Variants in GLI3 observed in about 807,000 individuals in gnomAD.
The protein encoded by GLI3 is transcription activator GLI3.
GLI3 carries 20 observed loss-of-function variants against 100.8 expected under a neutral mutation model. The ratio of observed to expected loss-of-function variants is 0.20; its 90% CI spans 0.14 to 0.29. GLI3 has a LOEUF of 0.29. Among genes scored for constraint, GLI3 ranks in the 10% least tolerant of loss-of-function variants. The probability of loss-of-function intolerance (pLI) is 1.00; values close to 1 mark genes in which losing one functional copy is unlikely to be tolerated. For missense variants in GLI3, 2,040 were observed against 2,128.5 expected, an observed-to-expected ratio of 0.96 and a Z score of 0.82; for synonymous variants, 938 against 860.5, an observed-to-expected ratio of 1.09 and a Z score of -1.58.
chr7:42,033,538 C>T (rs534984982), intron 7 of GLI3, among the ~76,000 whole-genome samples: 1 of 152,278 alleles, frequency 6.6e-6, no homozygotes, highest in Admixed American at 6.5e-5. Context: ...CAACAGGAAC[C>T]ACTGAGATGA....
intron 9 of GLI3, 37 bp from the exon 10 acceptor site, chr7:42,023,645 G>T: frequency 1.3e-6 from 2 of 1,593,386 alleles, no homozygotes; most frequent in Non-Finnish European, 1.7e-6. Flanking sequence ...AACAGAGAAG[G>T]GGGAAGAATC....
intron 3 of GLI3, among the ~76,000 whole-genome samples, chr7:42,133,791 G>A (rs569014018): frequency 1.3e-5 from 2 of 152,084 alleles, no homozygotes; most frequent in South Asian, 4.2e-4. Context: ...AAAAAATTAA[G>A]AACATCCTAG....
chr7:42,055,534 G>T (rs1784442777), intron 4 of GLI3, among the ~76,000 whole-genome samples: 1 of 152,084 alleles, frequency 6.6e-6, no homozygotes, highest in Non-Finnish European at 1.5e-5. Flanking sequence ...ACTGTTCCTG[G>T]TGGGCGAGCC....
At chr7:41,989,925 T>A (rs1274937840) in intron 10 of GLI3, among the ~76,000 whole-genome samples, 1 of 141,828 alleles carries the variant, frequency 7.1e-6, no homozygotes, top group African/African-American at 2.7e-5. Context: ...CCTGAGAGGC[T>A]GTAGTGAGCT....
intron 9 of GLI3, among the ~76,000 whole-genome samples, chr7:42,024,604 G>A (rs892102701): frequency 5.3e-5 from 8 of 152,146 alleles, no homozygotes; most frequent in African/African-American, 1.4e-4. Flanking sequence ...GCTCCTTCCT[G>A]CATCAGGCTG....
At chr7:42,210,348 C>T (rs1047185541) in intron 2 of GLI3, among the ~76,000 whole-genome samples, 4 of 136,476 alleles carry the variant, frequency 2.9e-5, no homozygotes, top group Admixed American at 7.2e-5. Context: ...GCCCCCCCCC[C>T]CCCCCCAAGT....
chr7:42,162,060 C>G (rs573113831), intron 2 of GLI3, among the ~76,000 whole-genome samples: 1 of 152,288 alleles, frequency 6.6e-6, no homozygotes, highest in East Asian at 1.9e-4. Context: ...CCTCAAGGCC[C>G]ACATTACTGA....
intron 13 of GLI3, among the ~76,000 whole-genome samples, chr7:41,968,748 G>GAAGGAAAGA (rs1562662007): frequency 3.3e-5 from 4 of 122,234 alleles, no homozygotes; most frequent in African/African-American, 1.5e-4. Flanking sequence ...AAGAAAGAAA[G>GAAGGAAAGA]AAAGAAAGAA....
At chr7:42,036,490 T>C (rs1789441920) in intron 7 of GLI3, among the ~76,000 whole-genome samples, 1 of 152,160 alleles carries the variant, frequency 6.6e-6, no homozygotes, top group African/African-American at 2.4e-5. Flanking sequence ...GAGAAATGGA[T>C]AGCAGACTAC....
At chr7:42,127,710 T>C (rs1339089741) in intron 3 of GLI3, among the ~76,000 whole-genome samples, 3 of 152,140 alleles carry the variant, frequency 2.0e-5, no homozygotes, top group African/African-American at 7.2e-5. Flanking sequence ...ATGAACCATG[T>C]TAAGAAACAA....
At chr7:42,055,105 GTA>G (rs1462039964) in intron 4 of GLI3, among the ~76,000 whole-genome samples, 6 of 138,622 alleles carry the variant, frequency 4.3e-5, no homozygotes, top group Admixed American at 1.4e-4. Flanking sequence ...ACACATATAT[GTA>G]TATATACACA....
At chr7:41,983,193 A>T (rs1236083791) in intron 10 of GLI3, among the ~76,000 whole-genome samples, 1 of 152,226 alleles carries the variant, frequency 6.6e-6, no homozygotes, top group African/African-American at 2.4e-5. Context: ...TCCTTCTCGT[A>T]CTAACATCTG....
At chr7:42,029,120 T>C (rs1789210082) in intron 7 of GLI3, among the ~76,000 whole-genome samples, 2 of 152,154 alleles carry the variant, frequency 1.3e-5, no homozygotes. Context: ...AGAAACATTC[T>C]CCTCCTCCTC....
intron 2 of GLI3, chr7:42,172,506 C>T: frequency 1.4e-6 from 1 of 695,060 alleles, no homozygotes; most frequent in Non-Finnish European, 2.6e-6. Context: ...AGTGGTCTTG[C>T]AATCATCCCG....
At chr7:42,228,929 G>T (rs1047538646) in intron 1 of GLI3, among the ~76,000 whole-genome samples, 1 of 152,134 alleles carries the variant, frequency 6.6e-6, no homozygotes, top group African/African-American at 2.4e-5. Flanking sequence ...TAGAAAATAT[G>T]AAAAGTCACA....
At position 41,962,941 on chromosome 7, in the gene GLI3, A is replaced by G. The variant is rs1787046777; in HGVS notation, c.*1389T>C. On this transcript the variant is annotated 3_prime_UTR_variant, in exon 15 of 15. Coordinates refer to ENST00000395925, the MANE Select transcript of GLI3 (RefSeq NM_000168.6). Reference sequence around the variant, plus strand: ...GTACTCTTTGTGCACACACAGTATGACTTTTATGTGTATCAAATGCACGTG... The same window carrying G: ...GTACTCTTTGTGCACACACAGTATGGCTTTTATGTGTATCAAATGCACGTG... The G allele has an allele frequency of 6.6e-6, 1 of 152,192 alleles. No homozygotes were observed. Among genetic ancestry groups the G allele is most frequent in the Non-Finnish European group, 1.5e-5 (1 of 68,034 alleles). 9.4% of individuals were successfully genotyped at this position (152,192 alleles called of 1,614,324 possible). A position where few individuals can be genotyped will look rare whatever the true frequency, so the allele number is the denominator to read the frequency against.
rs1329878066 is a variant in GLI3 at position 41,963,785 on chromosome 7, T to C, written c.*545A>G. 6.3e-6 allele frequency: 1 copy of C among 158,016 alleles called. No homozygotes were observed. Among genetic ancestry groups the C allele is most frequent in the African/African-American group, 2.4e-5 (1 of 41,460 alleles). The allele number at this position is 158,016 out of a possible 1,614,324, so 9.8% of individuals were successfully genotyped here. A position where few individuals can be genotyped will look rare whatever the true frequency, so the allele number is the denominator to read the frequency against. ...CTATGCTACAGTGCACCCACAAAAG[T>C]TTCTTAAACTAGCTATCCATATTCT... On this transcript the variant is annotated 3_prime_UTR_variant, in exon 15 of 15. Coordinates refer to ENST00000395925, the MANE Select transcript of GLI3 (RefSeq NM_000168.6).
intron 1 of GLI3, among the ~76,000 whole-genome samples, chr7:42,252,282 GC>G (rs1789040903): frequency 6.6e-6 from 1 of 152,176 alleles, no homozygotes; most frequent in Admixed American, 6.5e-5. Flanking sequence ...ATAAGTGGGA[GC>G]TAAACAGTGA....
chr7:42,190,413 A>T (rs929092541), intron 2 of GLI3, among the ~76,000 whole-genome samples: 6 of 152,212 alleles, frequency 3.9e-5, no homozygotes, highest in East Asian at 3.8e-4. Flanking sequence ...TTTGCTTTTT[A>T]AAAAAGTGTA....
Sources: allele counts gnomAD v4.1 joint callset (sites outside exome capture counted in the v4.1 genomes callset), GRCh38; gene constraint gnomAD v4.1.1; transcripts MANE v1.5; gene names NCBI Gene and HGNC (gene_info 2026-07-23, HGNC 2026-07-21).